The following NRXN3 variants were observed in gnomAD, a reference collection of about 807,000 sequenced individuals.
NRXN3 encodes neurexin III.
A neutral mutation model predicts 137.6 loss-of-function variants in NRXN3; 32 were observed. The observed-to-expected ratio is 0.23, with a 90% confidence interval of 0.18 to 0.31. The LOEUF is 0.31. Ranked by LOEUF, NRXN3 falls within the 10% of genes least tolerant of loss-of-function variation. NRXN3 has a pLI of 1.00. For missense variants in NRXN3, 1,574 were observed against 2,062.5 expected, an observed-to-expected ratio of 0.76 and a Z score of 4.59; for synonymous variants, 798 against 784.5, an observed-to-expected ratio of 1.02 and a Z score of -0.29.
At chr14:79,136,014 C>T (rs1198152705) in intron 15 of NRXN3, among the ~76,000 whole-genome samples, 1 of 152,128 alleles carries the variant, frequency 6.6e-6, no homozygotes. Flanking sequence ...TTGACTTTGT[C>T]TTTCTTTTTT....
intron 1 of NRXN3, among the ~76,000 whole-genome samples, chr14:78,208,556 C>T (rs1476810879): frequency 6.6e-6 from 1 of 152,218 alleles, no homozygotes; most frequent in Non-Finnish European, 1.5e-5. Flanking sequence ...ACACAGATAA[C>T]ACTTCTTTCC....
At chr14:78,286,639 A>T (rs2075215847) in intron 3 of NRXN3, among the ~76,000 whole-genome samples, 1 of 152,180 alleles carries the variant, frequency 6.6e-6, no homozygotes, top group African/African-American at 2.4e-5. Context: ...GCATCTGAGG[A>T]TGCACTGGGC....
In NRXN3 at chr14:79,414,219, T is replaced by C. The variant is rs112352977; in HGVS notation, c.3263-53002T>C. 8.1e-3 allele frequency among the ~76,000 whole-genome samples: 1,236 copies of C among 152,200 alleles called. 14 individuals are homozygous for C. Among genetic ancestry groups the C allele is most frequent in the Middle Eastern group, 0.017 (5 of 294 alleles). ...GAGTAAGAAATGCAGAATAGGACCA[T>C]ATGTTAGGCAGGGTTATAGACAGTA... On this transcript the variant is annotated intron_variant, in intron 15 of 20. Coordinates refer to ENST00000335750, the MANE Select transcript of NRXN3 (RefSeq NM_001330195.2).
chr14:78,809,008 T>G (rs2098894503), intron 9 of NRXN3, among the ~76,000 whole-genome samples: 1 of 152,140 alleles, frequency 6.6e-6, no homozygotes. Flanking sequence ...AAACAAATCC[T>G]TATTGGAATT....
intron 4 of NRXN3, among the ~76,000 whole-genome samples, chr14:78,438,365 G>A (rs559688639): frequency 9.8e-5 from 15 of 152,302 alleles, no homozygotes; most frequent in Admixed American, 8.5e-4. Context: ...GTCAACACTA[G>A]GGGTGGTATG....
intron 19 of NRXN3, among the ~76,000 whole-genome samples, chr14:79,772,254 T>C (rs577658442): frequency 9.3e-4 from 141 of 152,198 alleles, no homozygotes; most frequent in African/African-American, 3.3e-3. Flanking sequence ...AATGACTTTC[T>C]TCACAGAATT....
chr14:78,852,486 A>T (rs1307740909), intron 10 of NRXN3, among the ~76,000 whole-genome samples: 1 of 152,190 alleles, frequency 6.6e-6, no homozygotes, highest in Non-Finnish European at 1.5e-5. Context: ...TTTTGTTATT[A>T]TCACCGTGCT....
intron 6 of NRXN3, among the ~76,000 whole-genome samples, chr14:78,665,929 C>A (rs892264485): frequency 6.6e-6 from 1 of 152,136 alleles, no homozygotes; most frequent in Non-Finnish European, 1.5e-5. Flanking sequence ...TATCCCATAT[C>A]TAGGTTGATT....
At chr14:79,725,752 T>C (rs931477075) in intron 19 of NRXN3, among the ~76,000 whole-genome samples, 7 of 152,164 alleles carry the variant, frequency 4.6e-5, no homozygotes, top group African/African-American at 1.7e-4. Flanking sequence ...ACTTTATGAA[T>C]AAACAACACT....
At chr14:78,309,166 G>A (rs886813965) in intron 4 of NRXN3, among the ~76,000 whole-genome samples, 1 of 152,048 alleles carries the variant, frequency 6.6e-6, no homozygotes, top group African/African-American at 2.4e-5. Flanking sequence ...TTTCAAAATA[G>A]GCCCAAGGAA....
intron 14 of NRXN3, among the ~76,000 whole-genome samples, chr14:78,976,850 A>G (rs2099468768): frequency 6.6e-6 from 1 of 152,060 alleles, no homozygotes; most frequent in Non-Finnish European, 1.5e-5. Flanking sequence ...GGAGGAGGAA[A>G]CCTGATTATT....
intron 4 of NRXN3, among the ~76,000 whole-genome samples, chr14:78,409,657 C>G: frequency 6.6e-6 from 1 of 152,182 alleles, no homozygotes; most frequent in Non-Finnish European, 1.5e-5. Flanking sequence ...CCTGATTTTT[C>G]TCAGGTTTGG....
intron 15 of NRXN3, among the ~76,000 whole-genome samples, chr14:79,297,106 G>A (rs1363460137): frequency 1.3e-5 from 2 of 152,136 alleles, no homozygotes; most frequent in East Asian, 3.9e-4. Context: ...CTTTAGTGTA[G>A]CACCTCCTCA....
chr14:78,172,774 G>GT (rs2058856039), intron 1 of NRXN3, among the ~76,000 whole-genome samples: 5 of 152,102 alleles, frequency 3.3e-5, no homozygotes, highest in South Asian at 4.1e-4. Context: ...GCCCTTTCTA[G>GT]TGAAATAATA....
intron 4 of NRXN3, among the ~76,000 whole-genome samples, chr14:78,435,421 C>A (rs757295954): frequency 6.6e-6 from 1 of 152,162 alleles, no homozygotes; most frequent in Admixed American, 6.6e-5. Flanking sequence ...AGCTTCAGGG[C>A]TGTGGCTGAG....
chr14:78,606,946 C>G (rs1383429477), intron 4 of NRXN3, among the ~76,000 whole-genome samples: 2 of 152,260 alleles, frequency 1.3e-5, no homozygotes, highest in East Asian at 3.9e-4. Context: ...GAAACATTTT[C>G]CTTAAGCTTT....
chr14:78,449,267 T>A (rs2094494974), intron 4 of NRXN3, among the ~76,000 whole-genome samples: 1 of 152,192 alleles, frequency 6.6e-6, no homozygotes, highest in Admixed American at 6.5e-5. Flanking sequence ...GGTAGGAATA[T>A]CGTGGCGCGA....
intron 6 of NRXN3, among the ~76,000 whole-genome samples, chr14:78,669,837 G>A (rs191274903): frequency 7.2e-5 from 11 of 152,000 alleles, no homozygotes; most frequent in East Asian, 1.9e-4. Flanking sequence ...TTTGGCTGGC[G>A]GGATTTTTTT....
chr14:79,538,826 A>G (rs2097242195), intron 16 of NRXN3, among the ~76,000 whole-genome samples: 1 of 152,316 alleles, frequency 6.6e-6, no homozygotes, highest in East Asian at 1.9e-4. Context: ...CAGTGTTAGG[A>G]TGAAATCACA....
Sources: gnomAD v4.1 joint callset for allele counts (sites outside exome capture counted in the v4.1 genomes callset) on GRCh38, gnomAD v4.1.1 for gene constraint, MANE v1.5 for transcripts, NCBI Gene and HGNC (gene_info 2026-07-23, HGNC 2026-07-21) for gene names.